Variants in KIZ observed in about 807,000 individuals in gnomAD.
KIZ encodes the protein centrosomal protein kizuna.
Under a neutral mutation model 79.6 loss-of-function variants are expected in KIZ, and 68 were observed. The ratio of observed to expected loss-of-function variants is 0.85; its 90% CI spans 0.70 to 1.05. The LOEUF (loss-of-function observed/expected upper bound fraction) is 1.05. Ranked by LOEUF, KIZ falls within the 50% of genes least tolerant of loss-of-function variation. KIZ has a pLI of 0.00. For missense variants in KIZ, 797 were observed against 800.4 expected, an observed-to-expected ratio of 1.00 and a Z score of 0.05; for synonymous variants, 280 against 281.8, an observed-to-expected ratio of 0.99 and a Z score of 0.06.
chr20:21,240,863 C>T (rs2037194521), intron 11 of KIZ, among the ~76,000 whole-genome samples: 2 of 152,240 alleles, frequency 1.3e-5, no homozygotes, highest in Admixed American at 6.5e-5. Flanking sequence ...TTTTAGTTTA[C>T]AAATTGTCCA....
chr20:21,145,995 C>A (rs1262207186), intron 4 of KIZ, among the ~76,000 whole-genome samples: 1 of 152,164 alleles, frequency 6.6e-6, no homozygotes, highest in East Asian at 1.9e-4. Context: ...CATTTTGATT[C>A]TTTTATTTGT....
chr20:21,162,484 A>C lies in KIZ; in HGVS notation c.1019A>C (p.His340Pro). ...ESENKWSQEK[H>P]SPWEGVSDHL... Reference sequence around the variant, plus strand: ...GAAAATAAGTGGTCTCAAGAGAAGCATTCTCCTTGGGAAGGTGTTTCAGGT... The same window carrying C: ...GAAAATAAGTGGTCTCAAGAGAAGCCTTCTCCTTGGGAAGGTGTTTCAGGT... The change falls in exon 5 of 13, where the codon CAT becomes CCT. Residue 340 changes from histidine to proline, a missense_variant. Physicochemically the swap from His to Pro is moderately conservative, Grantham distance 77 (BLOSUM62 -2). Coordinates refer to ENST00000619189, the MANE Select transcript of KIZ (RefSeq NM_018474.6). 1 of 1,612,874 alleles carries C rather than the reference A, an allele frequency of 6.2e-7. No homozygotes were observed. The highest frequency in any genetic ancestry group is 8.5e-7 in the Non-Finnish European group (1 of 1,179,206).
At chr20:21,208,651 G>A (rs1283303052) in intron 7 of KIZ, among the ~76,000 whole-genome samples, 1 of 151,574 alleles carries the variant, frequency 6.6e-6, no homozygotes, top group Non-Finnish European at 1.5e-5. Context: ...TGCGGTGACC[G>A]AGATTGCGCC....
At chr20:21,207,172 G>A (rs1330300661) in intron 7 of KIZ, among the ~76,000 whole-genome samples, 7 of 152,106 alleles carry the variant, frequency 4.6e-5, no homozygotes, top group East Asian at 1.9e-4. Context: ...ATCAAGCCTT[G>A]CCTGTGTCTT....
chr20:21,225,008 G>A (rs1265740344), intron 9 of KIZ, among the ~76,000 whole-genome samples: 2 of 152,048 alleles, frequency 1.3e-5, no homozygotes, highest in East Asian at 1.9e-4. Context: ...AACAGTCTCA[G>A]CAATCCTTCA....
At chr20:21,185,685 A>G (rs1322016129) in intron 6 of KIZ, among the ~76,000 whole-genome samples, 1 of 151,084 alleles carries the variant, frequency 6.6e-6, no homozygotes, top group African/African-American at 2.4e-5. Flanking sequence ...TGCTGGGATT[A>G]CAAGCGTGAG....
chr20:21,141,573 T>C (rs1331154066), intron 3 of KIZ, among the ~76,000 whole-genome samples: 5 of 152,052 alleles, frequency 3.3e-5, no homozygotes, highest in African/African-American at 1.2e-4. Flanking sequence ...CCTAGGGATG[T>C]GTGTAGAACG....
intron 1 of KIZ, among the ~76,000 whole-genome samples, chr20:21,131,152 T>A (rs2031812751): frequency 6.6e-6 from 1 of 152,238 alleles, no homozygotes; most frequent in African/African-American, 2.4e-5. Context: ...TGGGACTGAA[T>A]GGCTTCATCA....
chr20:21,203,729 A>G (rs1347102905), intron 6 of KIZ, among the ~76,000 whole-genome samples: 1 of 152,214 alleles, frequency 6.6e-6, no homozygotes, highest in Non-Finnish European at 1.5e-5. Flanking sequence ...CAATTTGCAG[A>G]ATAATGAATT....
intron 10 of KIZ, among the ~76,000 whole-genome samples, chr20:21,231,314 A>G (rs1285598922): frequency 2.0e-5 from 3 of 152,170 alleles, no homozygotes; most frequent in Non-Finnish European, 4.4e-5. Context: ...ACAGGGCCAG[A>G]CCCTGTCTCA....
rs757997660 is a variant in KIZ at position 21,162,480 on chromosome 20, A to G, written c.1015A>G (p.Lys339Glu). 1 of 1,612,912 alleles carries G rather than the reference A, an allele frequency of 6.2e-7. No individual in the cohort carries two copies. The highest frequency in any genetic ancestry group is 8.5e-7 in the Non-Finnish European group (1 of 1,179,326). The change falls in exon 5 of 13, where the codon AAG (lysine) becomes GAG (glutamate). Residue 339 changes from lysine to glutamate, a missense_variant. Physicochemically the swap from Lys to Glu is moderately conservative, Grantham distance 56. Coordinates refer to ENST00000619189, the MANE Select transcript of KIZ (RefSeq NM_018474.6). ...CESENKWSQE[K>E]HSPWEGVSDH... ...ATCTGAAAATAAGTGGTCTCAAGAG[A>G]AGCATTCTCCTTGGGAAGGTGTTTC...
At chr20:21,232,938 T>C in intron 11 of KIZ, 108 bp downstream of exon 11, 1 of 660,492 alleles carries the variant, frequency 1.5e-6, no homozygotes, top group Non-Finnish European at 2.8e-6. Context: ...CTTGGAGGGT[T>C]ATGGTTTGGG....
chr20:21,153,131 A>G (rs1261160826), intron 4 of KIZ, among the ~76,000 whole-genome samples: 1 of 152,102 alleles, frequency 6.6e-6, no homozygotes, highest in African/African-American at 2.4e-5. Context: ...GGCTAATAAT[A>G]ATGATTGTTT....
intron 6 of KIZ, among the ~76,000 whole-genome samples, chr20:21,180,451 G>T (rs910210026): frequency 2.0e-5 from 3 of 152,094 alleles, no homozygotes; most frequent in Non-Finnish European, 4.4e-5. Flanking sequence ...GGTGCAAGGG[G>T]AGGAAAAGTC....
intron 6 of KIZ, among the ~76,000 whole-genome samples, chr20:21,180,023 C>G (rs918983985): frequency 6.6e-6 from 1 of 152,172 alleles, no homozygotes; most frequent in Admixed American, 6.5e-5. Context: ...GAGAAGAATG[C>G]TATTGCGTTT....
chr20:21,181,136 C>T (rs1453082643), intron 6 of KIZ, among the ~76,000 whole-genome samples: 1 of 152,178 alleles, frequency 6.6e-6, no homozygotes. Flanking sequence ...AAGCATGGCC[C>T]GTATCTGGGA....
chr20:21,159,843 A>T (rs2033571551), intron 4 of KIZ, among the ~76,000 whole-genome samples: 1 of 152,192 alleles, frequency 6.6e-6, no homozygotes, highest in African/African-American at 2.4e-5. Context: ...GATTTTGTGT[A>T]GTCATATGTT....
At chr20:21,214,204 A>G (rs540939752) in intron 7 of KIZ, among the ~76,000 whole-genome samples, 72 of 152,244 alleles carry the variant, frequency 4.7e-4, no homozygotes, top group South Asian at 4.6e-3. Context: ...CCTTTTGTAT[A>G]TATCGAAGGG....
chr20:21,222,661 C>T (rs963927289), intron 9 of KIZ, among the ~76,000 whole-genome samples: 22 of 152,226 alleles, frequency 1.4e-4, no homozygotes, highest in South Asian at 6.2e-4. Context: ...CAGCAGGGCC[C>T]TTGCCTCTGA....
Sources: gnomAD v4.1 joint callset for allele counts (sites outside exome capture counted in the v4.1 genomes callset) on GRCh38, gnomAD v4.1.1 for gene constraint, MANE v1.5 for transcripts, NCBI Gene and HGNC (gene_info 2026-07-23, HGNC 2026-07-21) for gene names.